Variants in MICU3 observed in about 807,000 individuals in gnomAD.
MICU3 encodes the protein mitochondrial calcium uptake 3.
MICU3 carries 62 observed loss-of-function variants against 66.5 expected under a neutral mutation model. That is an observed-to-expected ratio of 0.93 (90% confidence interval 0.76 to 1.15). MICU3 has a LOEUF of 1.15. Among genes scored for constraint, MICU3 ranks in the 50% most tolerant of loss-of-function variants. The probability of loss-of-function intolerance (pLI) is 0.00; values close to 1 mark genes in which losing one functional copy is unlikely to be tolerated. For missense variants in MICU3, 779 were observed against 664.4 expected (o/e 1.17, Z -1.90); for synonymous variants, 308 against 240.7 (o/e 1.28, Z -2.59).
At chr8:17,038,676 A>G (rs537634037) in intron 1 of MICU3, among the ~76,000 whole-genome samples, 42 of 152,284 alleles carry the variant, frequency 2.8e-4, no homozygotes, top group African/African-American at 7.9e-4. Context: ...GATGTGGCAG[A>G]CTTCATTGTT....
chr8:17,073,178 G>A (rs544416959), intron 3 of MICU3, among the ~76,000 whole-genome samples: 32 of 152,276 alleles, frequency 2.1e-4, no homozygotes, highest in Middle Eastern at 6.8e-3. Flanking sequence ...AATCCCTCTT[G>A]TAGAAATGCA....
intron 3 of MICU3, among the ~76,000 whole-genome samples, chr8:17,075,218 G>C (rs200029171): frequency 1.3e-5 from 2 of 152,134 alleles, no homozygotes; most frequent in East Asian, 1.9e-4. Context: ...GCACAGCAGC[G>C]TGTTCAACAA....
At chr8:17,087,361 G>A (rs955046649) in intron 7 of MICU3, among the ~76,000 whole-genome samples, 2 of 151,990 alleles carry the variant, frequency 1.3e-5, no homozygotes, top group Non-Finnish European at 2.9e-5. Context: ...GAATTGCAAA[G>A]ATTTAATTAT....
chr8:17,136,786 G>T, the MICU3 span, among the ~76,000 whole-genome samples: 5 of 151,968 alleles, frequency 3.3e-5, no homozygotes, highest in East Asian at 1.9e-4. Context: ...TGGCAGTGCC[G>T]TGGTGCAGAG....
At chr8:17,098,975 G>A (rs535917018) in intron 9 of MICU3, among the ~76,000 whole-genome samples, 1 of 151,668 alleles carries the variant, frequency 6.6e-6, no homozygotes, top group African/African-American at 2.4e-5. Flanking sequence ...AGTTTGAGAA[G>A]GTATGGTAGG....
intron 8 of MICU3, among the ~76,000 whole-genome samples, chr8:17,096,341 T>C (rs1338936780): frequency 6.6e-6 from 1 of 151,952 alleles, no homozygotes; most frequent in Non-Finnish European, 1.5e-5. Context: ...ATTGCTACTT[T>C]AAGCTTATGT....
At chr8:17,137,705 C>CTTTTT in the MICU3 span, among the ~76,000 whole-genome samples, 8 of 102,884 alleles carry the variant, frequency 7.8e-5, no homozygotes, top group Admixed American at 1.1e-4. Flanking sequence ...TTTTCTTTTC[C>CTTTTT]TTTTTTTTTT....
At chr8:17,047,816 C>A (rs1234523763) in intron 1 of MICU3, among the ~76,000 whole-genome samples, 1 of 152,056 alleles carries the variant, frequency 6.6e-6, no homozygotes, top group African/African-American at 2.4e-5. Context: ...CTGAAGAGTG[C>A]ATATCAGGAA....
At chr8:17,032,469 T>G (rs1349251339) in intron 1 of MICU3, among the ~76,000 whole-genome samples, 1 of 152,216 alleles carries the variant, frequency 6.6e-6, no homozygotes, top group African/African-American at 2.4e-5. Context: ...GTTTTATGAT[T>G]TGTTCGCCTT....
At position 17,084,228 on chromosome 8, in the gene MICU3, T is replaced by C. The variant is rs149381824; in HGVS notation, c.695-1008T>C. Among the ~76,000 whole-genome samples, 255 of 152,240 alleles carry C rather than the reference T, an allele frequency of 1.7e-3. 1 individual carries two copies. Among genetic ancestry groups the C allele is most frequent in the African/African-American group, 5.9e-3 (246 of 41,562 alleles). Reference sequence around the variant, plus strand: ...AAACAATGCTTGTAAGGAGGACTTCTTTTCTGTATGTATTTTCAAGATCTT... The same window carrying C: ...AAACAATGCTTGTAAGGAGGACTTCCTTTCTGTATGTATTTTCAAGATCTT... On this transcript the variant is annotated intron_variant, in intron 5 of 14. Transcript: ENST00000318063.
intron 9 of MICU3, among the ~76,000 whole-genome samples, chr8:17,101,636 A>T (rs1348914579): frequency 6.6e-6 from 1 of 151,892 alleles, no homozygotes; most frequent in African/African-American, 2.4e-5. Context: ...TTATTTTAGT[A>T]TACTGTGTCT....
intron 3 of MICU3, among the ~76,000 whole-genome samples, chr8:17,073,477 A>C (rs1391553641): frequency 6.6e-6 from 1 of 152,076 alleles, no homozygotes; most frequent in Non-Finnish European, 1.5e-5. Context: ...ATCTAGTTGC[A>C]AGAAAACAAG....
chr8:17,049,605 G>A, intron 1 of MICU3: 1 of 518,666 alleles, frequency 1.9e-6, no homozygotes, highest in Non-Finnish European at 3.8e-6. Flanking sequence ...GGATGAAGCT[G>A]GCATTTGAAC....
intron 5 of MICU3, among the ~76,000 whole-genome samples, chr8:17,083,680 A>G (rs1314556340): frequency 1.2e-4 from 18 of 152,176 alleles, no homozygotes; most frequent in Non-Finnish European, 1.6e-4. Flanking sequence ...CTAGTATTGT[A>G]CCTTTTGTAA....
At chr8:17,066,544 T>TATATATATATATATAAA (rs1491234403) in intron 2 of MICU3, among the ~76,000 whole-genome samples, 1 of 61,532 alleles carries the variant, frequency 1.6e-5, no homozygotes, top group African/African-American at 1.1e-4. Flanking sequence ...TATATATAGA[T>TATATATATATATATAAA]TTTTTTTTTT....
chr8:17,113,062 C>T (rs995522995), intron 11 of MICU3, among the ~76,000 whole-genome samples: 2 of 152,176 alleles, frequency 1.3e-5, no homozygotes, highest in African/African-American at 2.4e-5. Flanking sequence ...TCTCCCATTG[C>T]AAGTAAAAGA....
In MICU3 at chr8:17,121,368, G is replaced by C. The variant is rs1186314869; in HGVS notation, c.*1081G>C. ...TATTTCAAAAGAATATGTCTTAAAA[G>C]GGAAAATAAAAACTTTCTGTTGAAT... is the stretch of plus-strand genomic sequence containing the variant. On this transcript the variant is annotated 3_prime_UTR_variant, in exon 15 of 15. Transcript: ENST00000318063. 1 of 151,536 alleles carries C rather than the reference G, an allele frequency of 6.6e-6. No homozygotes were observed. The highest frequency in any genetic ancestry group is 1.5e-5 in the Non-Finnish European group (1 of 67,676). 9.4% of individuals were successfully genotyped at this position (151,536 alleles called of 1,614,324 possible). A position where few individuals can be genotyped will look rare whatever the true frequency, so the allele number is the denominator to read the frequency against.
chr8:17,079,291 A>T (rs998656708), intron 4 of MICU3, among the ~76,000 whole-genome samples: 2 of 152,046 alleles, frequency 1.3e-5, no homozygotes, highest in Admixed American at 1.3e-4. Context: ...TGAGGAACTT[A>T]TTTTTAGTTG....
At chr8:17,029,273 C>T (rs936159625) in intron 1 of MICU3, among the ~76,000 whole-genome samples, 2 of 152,134 alleles carry the variant, frequency 1.3e-5, no homozygotes. Context: ...GTCAGGAGTT[C>T]GAGACAAGCC....
Sources: allele counts gnomAD v4.1 joint callset (sites outside exome capture counted in the v4.1 genomes callset), GRCh38; gene constraint gnomAD v4.1.1; transcripts MANE v1.5; gene names NCBI Gene and HGNC (gene_info 2026-07-23, HGNC 2026-07-21).